SYTL5: variants seen among roughly 807,000 people sequenced by gnomAD.
SYTL5 encodes the protein synaptotagmin like 5.
In SYTL5, 34 loss-of-function variants were observed where a neutral mutation model predicts 55.9. The observed-to-expected ratio is 0.61, with a 90% CI of 0.46 to 0.81. SYTL5 has a LOEUF of 0.81. Among genes scored for constraint, SYTL5 ranks in the 30% least tolerant of loss-of-function variants. The pLI, the probability that SYTL5 is intolerant of heterozygous loss-of-function variation, is 0.00. For missense variants in SYTL5, 637 were observed against 546.7 expected (o/e 1.17, Z -1.65); for synonymous variants, 221 against 188.7 (o/e 1.17, Z -1.40).
chrX:37,990,994 C>T, the SYTL5 span: 1 of 1,211,919 alleles, frequency 8.3e-7, no homozygotes, highest in Non-Finnish European at 1.1e-6. Context: ...ACAATAAATA[C>T]CCTCCTTACC....
At chrX:38,008,690 C>A (rs1934074923) in intron 1 of SYTL5, among the ~76,000 whole-genome samples, 1 of 111,760 alleles carries the variant, frequency 8.9e-6, no homozygotes, top group South Asian at 3.7e-4. Context: ...TACTGCCTCA[C>A]TTTCTCTTTT....
At chrX:38,019,035 G>A (rs2147129341) in intron 1 of SYTL5, among the ~76,000 whole-genome samples, 1 of 112,221 alleles carries the variant, frequency 8.9e-6, no homozygotes, top group Admixed American at 9.5e-5. Context: ...TGGCTTTAAA[G>A]CTTCAACAGC....
chrX:37,980,245 C>T, the SYTL5 span, among the ~76,000 whole-genome samples: 300 of 112,080 alleles, frequency 2.7e-3, 2 homozygotes, highest in African/African-American at 9.0e-3. Flanking sequence ...TGTTTTCATG[C>T]ACTAAATCCA....
chrX:38,049,907 G>T (rs1407195276), intron 2 of SYTL5, among the ~76,000 whole-genome samples: 3 of 111,858 alleles, frequency 2.7e-5, no homozygotes, highest in African/African-American at 9.7e-5. Flanking sequence ...GACACAAAGA[G>T]GTTAAGTCTC....
chrX:37,907,129 T>C, the SYTL5 span, among the ~76,000 whole-genome samples: 1 of 112,141 alleles, frequency 8.9e-6, no homozygotes, highest in Non-Finnish European at 1.9e-5. Flanking sequence ...TACCATCAAA[T>C]TGTTTGGTTT....
At chrX:37,969,657 G>A in the SYTL5 span, among the ~76,000 whole-genome samples, 1 of 111,810 alleles carries the variant, frequency 8.9e-6, no homozygotes, top group African/African-American at 3.2e-5. Context: ...TTTTTTGACC[G>A]AGTCTTGCTC....
At chrX:37,991,334 C>A in the SYTL5 span, 1 of 1,007,430 alleles carries the variant, frequency 9.9e-7, no homozygotes, top group Non-Finnish European at 1.3e-6. Context: ...TGACTCCTCT[C>A]AGTTTCTGTC....
chrX:38,054,164 C>A lies in SYTL5; in HGVS notation c.120-49C>A, dbSNP rs375472063. On this transcript the variant is annotated intron_variant, in intron 2 of 16. Transcript: ENST00000297875. ...ATTGTTTTAGACATTGTAGATATCTCTGCTCCTGTTTGTTTTTTTAAGTGA... is the reference window on the plus strand; with the variant it reads ...ATTGTTTTAGACATTGTAGATATCTATGCTCCTGTTTGTTTTTTTAAGTGA... 6.5e-5 allele frequency: 62 copies of A among 949,333 alleles called. No individual in the cohort carries two copies. In the African/African-American group the frequency reaches 1.1e-3, roughly 17 times the overall value. The allele number at this position is 949,333 out of a possible 1,213,427, so 78.2% of individuals were successfully genotyped here.
chrX:38,082,647 G>A lies in SYTL5; in HGVS notation c.689+5946G>A, dbSNP rs188711160. Among the ~76,000 whole-genome samples, 336 of 112,511 alleles carry A rather than the reference G, an allele frequency of 3.0e-3. 1 individual carries two copies. Among genetic ancestry groups the A allele is most frequent in the Non-Finnish European group, 4.5e-3 (240 of 53,312 alleles). On this transcript the variant is annotated intron_variant, in intron 6 of 16. Transcript: ENST00000297875. Reference sequence around the variant, plus strand: ...ATACGATTTTAAAAAGATGTTCTGCGTGCTATGGGAAAACCAAAGATAGGC... The same window carrying A: ...ATACGATTTTAAAAAGATGTTCTGCATGCTATGGGAAAACCAAAGATAGGC...
Position 38,126,769 on chromosome X carries a change from T to C in SYTL5, c.*39T>C. On this transcript the variant is annotated 3_prime_UTR_variant, in exon 17 of 17. Coordinates refer to ENST00000297875, the MANE Select transcript of SYTL5 (RefSeq NM_138780.3). ...CCAAGAATGAGGCCACCAGGACCTA[T>C]CTGGCTGTCTTTTCCTACCATTAGC... The C allele has an allele frequency of 8.6e-7, 1 of 1,165,305 alleles. No homozygotes were observed. Among genetic ancestry groups the C allele is most frequent in the South Asian group, 2.0e-5 (1 of 50,289 alleles).
chrX:38,001,564 T>C (rs1933860502), upstream of SYTL5, among the ~76,000 whole-genome samples: 1 of 111,689 alleles, frequency 9.0e-6, no homozygotes, highest in African/African-American at 3.3e-5. Context: ...TGTCTTTCTG[T>C]GCCTGGCCTA....
the SYTL5 span, among the ~76,000 whole-genome samples, chrX:37,936,865 A>G: frequency 9.5e-6 from 1 of 105,540 alleles, no homozygotes; most frequent in Non-Finnish European, 1.9e-5. Flanking sequence ...AACATGGAGA[A>G]ACCCTGTCTC....
At chrX:38,052,079 G>A (rs1330988761) in intron 2 of SYTL5, among the ~76,000 whole-genome samples, 1 of 112,019 alleles carries the variant, frequency 8.9e-6, no homozygotes, top group Non-Finnish European at 1.9e-5. Context: ...AGAGTGAATG[G>A]TGCACATGGA....
At chrX:38,029,566 G>A (rs762068954) in intron 1 of SYTL5, among the ~76,000 whole-genome samples, 1 of 111,392 alleles carries the variant, frequency 9.0e-6, no homozygotes, top group Non-Finnish European at 1.9e-5. Flanking sequence ...AACATCACAT[G>A]TCCCCAGGTC....
chrX:38,014,608 C>T (rs749837723), intron 1 of SYTL5, among the ~76,000 whole-genome samples: 6 of 111,404 alleles, frequency 5.4e-5, no homozygotes, highest in African/African-American at 1.3e-4. Flanking sequence ...TTTAGGGAGC[C>T]GTGAGACATC....
chrX:38,054,261 TCAA>T lies in SYTL5; in HGVS notation c.172_174del (p.Gln58del). On this transcript the variant is annotated inframe_deletion, in exon 3 of 17. Transcript: ENST00000297875. ...AAGCAAAACGTAGAAGTGGGAAAAC[TCAA>T]CAAGAGGCCAGCAGAGTTTGTGTTC... 1 of 1,211,101 alleles carries T rather than the reference TCAA, an allele frequency of 8.3e-7. No homozygotes were observed. The highest frequency in any genetic ancestry group is 1.1e-6 in the Non-Finnish European group (1 of 895,305).
rs906404216 is a variant in SYTL5, at chrX:38,006,681, C to T, written c.-357+13C>T. 1 of 111,126 alleles carries T rather than the reference C, an allele frequency of 9.0e-6. No individual in the cohort carries two copies. The highest frequency in any genetic ancestry group is 9.6e-5 in the Admixed American group (1 of 10,447). The allele number at this position is 111,126 out of a possible 1,213,427, so 9.2% of individuals were successfully genotyped here. A position where few individuals can be genotyped will look rare whatever the true frequency, so the allele number is the denominator to read the frequency against. Reference sequence around the variant, plus strand: ...CCTTCAGATTAAGGTAAGACTAATGCGTTTAGGGATCTCCAGTGTGATATC... The same window carrying T: ...CCTTCAGATTAAGGTAAGACTAATGTGTTTAGGGATCTCCAGTGTGATATC... On this transcript the variant is annotated intron_variant, in intron 1 of 16. Coordinates refer to ENST00000297875, the MANE Select transcript of SYTL5 (RefSeq NM_138780.3).
chrX:37,904,841 C>T, the SYTL5 span, among the ~76,000 whole-genome samples: 1 of 110,951 alleles, frequency 9.0e-6, no homozygotes, highest in East Asian at 2.8e-4. Context: ...GAAAATGGCC[C>T]ACCCCTTCCC....
chrX:38,067,612 AG>A (rs1288497461), intron 3 of SYTL5, among the ~76,000 whole-genome samples: 3 of 111,928 alleles, frequency 2.7e-5, no homozygotes, highest in African/African-American at 9.7e-5. Flanking sequence ...GTAGCACAAA[AG>A]CAGCCAAAGA....
Sources: gnomAD v4.1 joint callset for allele counts (sites outside exome capture counted in the v4.1 genomes callset) on GRCh38, gnomAD v4.1.1 for gene constraint, MANE v1.5 for transcripts, NCBI Gene and HGNC (gene_info 2026-07-23, HGNC 2026-07-21) for gene names.